Variants in CTNNA3 observed in about 807,000 individuals in gnomAD.
CTNNA3 encodes the protein catenin alpha-3.
In CTNNA3, 76 loss-of-function variants were observed where a neutral mutation model predicts 95.7. That is an observed-to-expected ratio of 0.79 (90% CI 0.66 to 0.96). The LOEUF (loss-of-function observed/expected upper bound fraction) is 0.96. CTNNA3 is among the 40% of genes least tolerant of loss of function. CTNNA3 has a pLI of 0.00. For missense variants in CTNNA3, 1,191 were observed against 1,089.8 expected (o/e 1.09, Z -1.31); for synonymous variants, 431 against 374.4 (o/e 1.15, Z -1.74).
At chr10:66,016,491 T>C (rs2079099064) in intron 15 of CTNNA3, among the ~76,000 whole-genome samples, 1 of 152,196 alleles carries the variant, frequency 6.6e-6, no homozygotes, top group Non-Finnish European at 1.5e-5. Context: ...TCTGCTCCAT[T>C]AAGCACCTGT....
intron 15 of CTNNA3, among the ~76,000 whole-genome samples, chr10:66,019,549 A>C (rs893519566): frequency 1.1e-4 from 17 of 152,114 alleles, no homozygotes; most frequent in African/African-American, 4.1e-4. Context: ...TTGATTTTTA[A>C]AATGATTCCA....
At chr10:67,432,754 T>C (rs1846153710) in intron 5 of CTNNA3, among the ~76,000 whole-genome samples, 1 of 152,076 alleles carries the variant, frequency 6.6e-6, no homozygotes, top group South Asian at 2.1e-4. Context: ...CCATATAAGG[T>C]ACTATTCACA....
intron 5 of CTNNA3, among the ~76,000 whole-genome samples, chr10:67,284,889 T>C (rs1433358247): frequency 2.0e-5 from 3 of 152,100 alleles, no homozygotes; most frequent in Non-Finnish European, 2.9e-5. Flanking sequence ...ATGTGAGGAA[T>C]ACAAAATTTA....
intron 7 of CTNNA3, among the ~76,000 whole-genome samples, chr10:67,089,715 A>ATGTGTG (rs775306401): frequency 3.2e-5 from 3 of 93,264 alleles, no homozygotes; most frequent in Admixed American, 1.0e-4. Flanking sequence ...GTGTATATAC[A>ATGTGTG]TATGTGTGTG....
chr10:67,539,543 TCCGCAAGGATAAGGAGTCTCGTCA>T lies in CTNNA3; in HGVS notation c.395_418del (p.Val132_Ala139del). On this transcript the variant is annotated inframe_deletion, in exon 4 of 18. Transcript: ENST00000433211. ...CAAGAGGCACATGACATCAATCATGTCCGCAAGGATAAGGAGTCTCGTCACCGCAGCCAGCAAGGCACGGGCAGC... is the reference window on the plus strand; with the variant it reads ...CAAGAGGCACATGACATCAATCATGTCCGCAGCCAGCAAGGCACGGGCAGC... 3.1e-6 allele frequency: 5 copies of T among 1,613,744 alleles called. No homozygotes were observed. Among genetic ancestry groups the T allele is most frequent in the Non-Finnish European group, 4.2e-6 (5 of 1,179,782 alleles).
chr10:66,004,034 A>G (rs2078829111), intron 15 of CTNNA3, among the ~76,000 whole-genome samples: 1 of 152,084 alleles, frequency 6.6e-6, no homozygotes, highest in African/African-American at 2.4e-5. Context: ...ACACTCCTTA[A>G]CTTTTCTCCA....
At chr10:66,416,537 GA>G (rs2093147405) in intron 11 of CTNNA3, among the ~76,000 whole-genome samples, 5 of 127,310 alleles carry the variant, frequency 3.9e-5, no homozygotes, top group African/African-American at 1.3e-4. Context: ...GAAAAATAGA[GA>G]ATTTTTTTTT....
chr10:66,392,683 C>T (rs2092943535), intron 11 of CTNNA3, among the ~76,000 whole-genome samples: 1 of 152,100 alleles, frequency 6.6e-6, no homozygotes, highest in African/African-American at 2.4e-5. Flanking sequence ...CAAAACAACA[C>T]ATGGCCCATC....
chr10:65,921,363 G>A (rs1170956440), intron 17 of CTNNA3, among the ~76,000 whole-genome samples: 1 of 152,228 alleles, frequency 6.6e-6, no homozygotes, highest in Non-Finnish European at 1.5e-5. Flanking sequence ...AATTTGGAAT[G>A]TCTGCTAGCA....
chr10:67,201,688 C>T (rs1863658569), intron 6 of CTNNA3, among the ~76,000 whole-genome samples: 1 of 152,074 alleles, frequency 6.6e-6, no homozygotes, highest in African/African-American at 2.4e-5. Context: ...AATTATCAGG[C>T]TTTACTTTAA....
chr10:66,047,888 A>C (rs1008104424), intron 15 of CTNNA3, among the ~76,000 whole-genome samples: 2 of 152,174 alleles, frequency 1.3e-5, no homozygotes, highest in African/African-American at 4.8e-5. Flanking sequence ...TGCCACAAAA[A>C]GAATAAAATA....
intron 7 of CTNNA3, among the ~76,000 whole-genome samples, chr10:67,145,665 G>C (rs535973976): frequency 1.3e-5 from 2 of 151,932 alleles, no homozygotes; most frequent in African/African-American, 2.4e-5. Context: ...TCCTGACCTC[G>C]TGATCCACCT....
chr10:66,851,881 T>C (rs1003648328), intron 7 of CTNNA3, among the ~76,000 whole-genome samples: 1 of 152,082 alleles, frequency 6.6e-6, no homozygotes, highest in African/African-American at 2.4e-5. Context: ...AATTAATGAG[T>C]GCAATAGATA....
intron 7 of CTNNA3, among the ~76,000 whole-genome samples, chr10:66,822,403 T>C (rs77439417): frequency 0.038 from 5,711 of 152,222 alleles, 123 homozygotes; most frequent in Middle Eastern, 0.054. Flanking sequence ...GCACAAGAGT[T>C]GTGACTAACC....
At chr10:66,819,913 AAC>A (rs1482566855) in intron 7 of CTNNA3, among the ~76,000 whole-genome samples, 1 of 152,172 alleles carries the variant, frequency 6.6e-6, no homozygotes, top group Non-Finnish European at 1.5e-5. Flanking sequence ...CACTGGGGAA[AAC>A]AGTCTGGCAA....
chr10:66,391,638 T>C (rs1193599017), intron 11 of CTNNA3, among the ~76,000 whole-genome samples: 3 of 152,124 alleles, frequency 2.0e-5, no homozygotes, highest in Non-Finnish European at 4.4e-5. Context: ...AAAGTGTTAT[T>C]TTTGTAGAAA....
At chr10:67,314,974 G>T (rs1322663106) in intron 5 of CTNNA3, among the ~76,000 whole-genome samples, 1 of 152,118 alleles carries the variant, frequency 6.6e-6, no homozygotes, top group Non-Finnish European at 1.5e-5. Context: ...TGGTCACTTT[G>T]TCCTTGAGAT....
At chr10:66,347,303 T>C (rs1564886394) in intron 12 of CTNNA3, among the ~76,000 whole-genome samples, 1 of 151,986 alleles carries the variant, frequency 6.6e-6, no homozygotes, top group Non-Finnish European at 1.5e-5. Context: ...TTAAAGGAAG[T>C]TTTATGTCTT....
At chr10:66,800,166 A>G (rs35642784) in intron 7 of CTNNA3, among the ~76,000 whole-genome samples, 5,286 of 151,494 alleles carry the variant, frequency 0.035, 231 homozygotes, top group East Asian at 0.23. Flanking sequence ...ATTTAGAAGA[A>G]TTAGATTGAA....
Sources: gnomAD v4.1 joint callset for allele counts (sites outside exome capture counted in the v4.1 genomes callset) on GRCh38, gnomAD v4.1.1 for gene constraint, MANE v1.5 for transcripts, NCBI Gene and HGNC (gene_info 2026-07-23, HGNC 2026-07-21) for gene names.